ATXN10: variants seen among roughly 807,000 people sequenced by gnomAD.
The protein encoded by ATXN10 is ataxin 10.
ATXN10 carries 28 observed loss-of-function variants against 52.9 expected under a neutral mutation model. That is an observed-to-expected ratio of 0.53 (90% CI 0.39 to 0.73). The LOEUF is 0.73. ATXN10 is among the 30% of genes least tolerant of loss of function. ATXN10 has a pLI of 0.00. For missense variants in ATXN10, 565 were observed against 577.0 expected (o/e 0.98, Z 0.21); for synonymous variants, 226 against 221.5 (o/e 1.02, Z -0.18).
chr22:45,746,573 T>C (rs1925734548), intron 9 of ATXN10, among the ~76,000 whole-genome samples: 1 of 152,148 alleles, frequency 6.6e-6, no homozygotes, highest in Non-Finnish European at 1.5e-5. Flanking sequence ...TTTGCAACTG[T>C]AAAATAGGCC....
intron 5 of ATXN10, among the ~76,000 whole-genome samples, chr22:45,709,087 G>A (rs1031452356): frequency 6.6e-6 from 1 of 152,148 alleles, no homozygotes; most frequent in Non-Finnish European, 1.5e-5. Flanking sequence ...CCTTATGCAT[G>A]TACATTTTAT....
chr22:45,717,762 A>C (rs1356361459), intron 5 of ATXN10, among the ~76,000 whole-genome samples: 1 of 152,230 alleles, frequency 6.6e-6, no homozygotes, highest in African/African-American at 2.4e-5. Context: ...TAATCAGTAT[A>C]TTCCTTAGTT....
At chr22:45,801,373 CA>C (rs1927926099) in intron 9 of ATXN10, among the ~76,000 whole-genome samples, 1 of 152,186 alleles carries the variant, frequency 6.6e-6, no homozygotes, top group African/African-American at 2.4e-5. Context: ...CTGCAATGCC[CA>C]AGCCACTTCT....
chr22:45,735,425 A>T (rs1007942139), intron 7 of ATXN10, among the ~76,000 whole-genome samples: 1 of 151,862 alleles, frequency 6.6e-6, no homozygotes, highest in East Asian at 1.9e-4. Flanking sequence ...ATCATATCCT[A>T]AATTCTTTTA....
Position 45,705,561 on chromosome 22 carries a change from T to C in ATXN10, c.647+2714T>C, listed in dbSNP as rs1924006661. Among the ~76,000 whole-genome samples the C allele has an allele frequency of 6.6e-6, 1 of 152,110 alleles. No individual in the cohort carries two copies. The highest frequency in any genetic ancestry group is 1.5e-5 in the Non-Finnish European group (1 of 68,008). On this transcript the variant is annotated intron_variant, in intron 5 of 11. Coordinates refer to ENST00000252934, the MANE Select transcript of ATXN10 (RefSeq NM_013236.4). This position sits in a 1 kb window ranked among gnomAD's most constrained non-coding sequence, Gnocchi z 5.2. Reference sequence around the variant, plus strand: ...CAATTCTCTGCCTCAGTCTCCTGAATAGCTGGGATTGCAGGTGCCCGCCAC... The same window carrying C: ...CAATTCTCTGCCTCAGTCTCCTGAACAGCTGGGATTGCAGGTGCCCGCCAC...
At chr22:45,758,077 G>A (rs372585902) in intron 9 of ATXN10, among the ~76,000 whole-genome samples, 2 of 152,242 alleles carry the variant, frequency 1.3e-5, no homozygotes, top group South Asian at 2.1e-4. Context: ...AGGAAGCCCC[G>A]TGCAGTGGGT....
rs1445985137 is a variant in ATXN10, at chr22:45,786,929, A to G, written c.1174-20030A>G. On this transcript the variant is annotated intron_variant, in intron 9 of 11. Coordinates refer to ENST00000252934, the MANE Select transcript of ATXN10 (RefSeq NM_013236.4). The surrounding 1 kb of genome is among the most constrained non-coding windows in gnomAD (Gnocchi z 4.1). ...ATTCTTTTCGGAATTTCTCCAAAGG[A>G]AATAATCAGTGATGAGGTTAAAAAA... 2.6e-5 allele frequency among the ~76,000 whole-genome samples: 4 copies of G among 152,178 alleles called. No homozygotes were observed. The East Asian group carries it at 7.7e-4, about 29-fold the overall frequency.
At position 45,676,473 on chromosome 22, in the gene ATXN10, AT is replaced by A. The variant is rs1922694332; in HGVS notation, c.116+4300del. 3 of 147,062 alleles carry A rather than the reference AT, an allele frequency of 2.0e-5. No homozygotes were observed. The South Asian group carries it at 6.5e-4, about 32-fold the overall frequency. 9.1% of individuals were successfully genotyped at this position (147,062 alleles called of 1,614,324 possible). A position where few individuals can be genotyped will look rare whatever the true frequency, so the allele number is the denominator to read the frequency against. On this transcript the variant is annotated intron_variant, in intron 1 of 11. Coordinates refer to ENST00000252934, the MANE Select transcript of ATXN10 (RefSeq NM_013236.4). ...TCATTTCCTTAGTTGCATTAGCCAT[AT>A]TTTTTAATTTGTTTTTTTTTTTTTG...
intron 6 of ATXN10, among the ~76,000 whole-genome samples, chr22:45,722,222 G>GAATA (rs1213159456): frequency 1.3e-5 from 2 of 152,172 alleles, no homozygotes; most frequent in African/African-American, 4.8e-5. Context: ...ACACCACAGT[G>GAATA]AATAAGTCAA....
chr22:45,790,821 G>T lies in ATXN10; in HGVS notation c.1174-16138G>T, dbSNP rs1042209811. 2.0e-5 allele frequency among the ~76,000 whole-genome samples: 3 copies of T among 152,062 alleles called. No homozygotes were observed. The highest frequency in any genetic ancestry group is 2.9e-5 in the Non-Finnish European group (2 of 68,004). On this transcript the variant is annotated intron_variant, in intron 9 of 11. Coordinates refer to ENST00000252934, the MANE Select transcript of ATXN10 (RefSeq NM_013236.4). The surrounding 1 kb of genome is among the most constrained non-coding windows in gnomAD (Gnocchi z 4.7). ...TATATCTTTTTATCCTGACCTTCTA[G>T]ATCTTATTTCCCATTTCATTTATTT...
At position 45,840,569 on chromosome 22, in the gene ATXN10, A is replaced by T. The variant is rs1188893153; in HGVS notation, c.1238-2422A>T. On this transcript the variant is annotated intron_variant, in intron 10 of 11. Transcript: ENST00000252934. This position sits in a 1 kb window ranked among gnomAD's most constrained non-coding sequence, Gnocchi z 5.8. Reference sequence around the variant, plus strand: ...CGTTGCAACATTGTCAGAGGCTGAGAGATGAGGGCGCCTGGCAGGAGAGGT... The same window carrying T: ...CGTTGCAACATTGTCAGAGGCTGAGTGATGAGGGCGCCTGGCAGGAGAGGT... Among the ~76,000 whole-genome samples the T allele has an allele frequency of 6.6e-6, 1 of 152,158 alleles. No homozygotes were observed. Among genetic ancestry groups the T allele is most frequent in the Non-Finnish European group, 1.5e-5 (1 of 68,040 alleles).
intron 5 of ATXN10, among the ~76,000 whole-genome samples, chr22:45,717,207 C>T (rs957894149): frequency 6.6e-6 from 1 of 152,110 alleles, no homozygotes; most frequent in African/African-American, 2.4e-5. Flanking sequence ...TGGTTAGATA[C>T]ATTTGTTTCT....
chr22:45,804,548 G>C lies in ATXN10; in HGVS notation c.1174-2411G>C, dbSNP rs144667354. On this transcript the variant is annotated intron_variant, in intron 9 of 11. Transcript: ENST00000252934. The stretch of plus-strand genomic sequence containing the variant: ...TCAGCGGGACATGGCGTTTGGAATA[G>C]TTCATGTTCAGATGACTGAATGCAG... 8.9e-4 allele frequency among the ~76,000 whole-genome samples: 135 copies of C among 152,314 alleles called. 3 individuals carry two copies. The East Asian group carries it at 0.025, about 28-fold the overall frequency.
At chr22:45,765,723 C>G (rs577731363) in intron 9 of ATXN10, among the ~76,000 whole-genome samples, 43 of 152,314 alleles carry the variant, frequency 2.8e-4, no homozygotes, top group Middle Eastern at 3.4e-3. Context: ...GAAGACCCTA[C>G]TGAGATGGAA....
chr22:45,815,145 C>G (rs1437439268), intron 10 of ATXN10, among the ~76,000 whole-genome samples: 1 of 152,172 alleles, frequency 6.6e-6, no homozygotes, highest in Non-Finnish European at 1.5e-5. Context: ...TCATGGAATA[C>G]CATACGGCAG....
At chr22:45,698,313 TGTA>T (rs1007393363) in intron 3 of ATXN10, among the ~76,000 whole-genome samples, 1 of 152,208 alleles carries the variant, frequency 6.6e-6, no homozygotes, top group African/African-American at 2.4e-5. Flanking sequence ...CTTTCTGTGT[TGTA>T]GTCATCCTGG....
In ATXN10 at chr22:45,688,232, A is replaced by T. The variant is rs928570994; in HGVS notation, c.117-1480A>T. ...TGCCGAGACACTGAGTCAAAGTTTC[A>T]TTATTTACACTCAGGGCTGACTGGG... is the stretch of plus-strand genomic sequence containing the variant. On this transcript the variant is annotated intron_variant, in intron 1 of 11. Transcript: ENST00000252934. The surrounding 1 kb of genome is among the most constrained non-coding windows in gnomAD (Gnocchi z 4.0). Among the ~76,000 whole-genome samples the T allele has an allele frequency of 6.6e-6, 1 of 152,160 alleles. No homozygotes were observed. Among genetic ancestry groups the T allele is most frequent in the Admixed American group, 6.5e-5 (1 of 15,272 alleles).
intron 9 of ATXN10, among the ~76,000 whole-genome samples, chr22:45,771,670 A>C (rs190428819): frequency 6.6e-6 from 1 of 151,218 alleles, no homozygotes; most frequent in Non-Finnish European, 1.5e-5. Context: ...ACCCACCTCG[A>C]GCTCCCAAAG....
rs1926921529 is a variant in ATXN10, at chr22:45,775,514, ATAGT to A, written c.1174-31442_1174-31439del. On this transcript the variant is annotated intron_variant, in intron 9 of 11. Coordinates refer to ENST00000252934, the MANE Select transcript of ATXN10 (RefSeq NM_013236.4). This position sits in a 1 kb window ranked among gnomAD's most constrained non-coding sequence, Gnocchi z 4.7. ...TTTACTTGTTGAAGCAGGTTCAGAA[ATAGT>A]TATTCTGTAGTGTCTCAGTTTTATT... is the stretch of plus-strand genomic sequence containing the variant. Among the ~76,000 whole-genome samples the A allele has an allele frequency of 6.6e-6, 1 of 152,210 alleles. No individual in the cohort carries two copies. Among genetic ancestry groups the A allele is most frequent in the Non-Finnish European group, 1.5e-5 (1 of 68,038 alleles).
Sources: allele counts gnomAD v4.1 joint callset (sites outside exome capture counted in the v4.1 genomes callset), GRCh38; gene constraint gnomAD v4.1.1; non-coding constraint Gnocchi (gnomAD v3.1); transcripts MANE v1.5; gene names NCBI Gene and HGNC (gene_info 2026-07-23, HGNC 2026-07-21).